Variants in CABIN1 observed in about 807,000 individuals in gnomAD.
CABIN1 encodes the protein calcineurin-binding protein cabin-1.
A neutral mutation model predicts 227.7 loss-of-function variants in CABIN1; 133 were observed. That is an observed-to-expected ratio of 0.58 (90% CI 0.51 to 0.67). The LOEUF is 0.67. Among genes scored for constraint, CABIN1 ranks in the 30% least tolerant of loss-of-function variants. The pLI is 0.00. For synonymous variants in CABIN1, 1,086 were observed against 1,155.1 expected, an observed-to-expected ratio of 0.94 and a Z score of 1.21; for missense variants, 2,408 against 2,852.5, an observed-to-expected ratio of 0.84 and a Z score of 3.55.
chr22:24,120,598 G>GA (rs1465143942), intron 28 of CABIN1, among the ~76,000 whole-genome samples: 2 of 152,078 alleles, frequency 1.3e-5, no homozygotes, highest in Non-Finnish European at 2.9e-5. Context: ...GAGGCAGGGG[G>GA]ATCACCTGAG....
chr22:24,176,185 A>C lies in CABIN1; in HGVS notation c.6115A>C (p.Lys2039Gln). The change falls in exon 35 of 37, where the codon AAG (lysine) becomes CAG (glutamine). Residue 2039 changes from lysine (K) to glutamine (Q), a missense_variant. Around this residue, in one of 3 missense-constraint regions of CABIN1, gnomAD observed 714 missense variants for 773.8 expected, o/e 0.92. Transcript: ENST00000263119. ...GGAGCCACGGCACAGTCCGCAGGTG[A>C]AGATGGCCCCCACAAGTTCCCCGGC... ...PQEPRHSPQV[K>Q]MAPTSSPAEP... 1 of 1,611,364 alleles carries C rather than the reference A, an allele frequency of 6.2e-7. No homozygotes were observed. The highest frequency in any genetic ancestry group is 8.5e-7 in the Non-Finnish European group (1 of 1,179,374).
intron 1 of CABIN1, among the ~76,000 whole-genome samples, chr22:24,013,811 T>A (rs2035029576): frequency 6.6e-6 from 1 of 152,236 alleles, no homozygotes; most frequent in Non-Finnish European, 1.5e-5. Context: ...GCTTTGATGC[T>A]TTTAAAGAGT....
chr22:24,092,868 G>C (rs2041641429), intron 24 of CABIN1, among the ~76,000 whole-genome samples: 1 of 152,068 alleles, frequency 6.6e-6, no homozygotes, highest in African/African-American at 2.4e-5. Flanking sequence ...TAAACATATA[G>C]TAACATTTTC....
chr22:24,135,235 C>G (rs963933268), intron 29 of CABIN1, among the ~76,000 whole-genome samples: 1 of 151,318 alleles, frequency 6.6e-6, no homozygotes, highest in Non-Finnish European at 1.5e-5. Context: ...TACTAAAATA[C>G]AAAAATTAGC....
rs1421883116 is a variant in CABIN1, at chr22:24,055,161, T to C, written c.1093+2T>C. ...TGTTGGAGACAGGCGCTCCTGTGGG[T>C]AAGCAGGCCCCCTGAATTTGGCTTC... On this transcript the variant is annotated splice_donor_variant, in intron 9 of 36. Transcript: ENST00000263119. LOFTEE classifies it high-confidence loss of function. The C allele has an allele frequency of 1.2e-6, 2 of 1,609,734 alleles. No individual in the cohort carries two copies. The highest frequency in any genetic ancestry group is 1.7e-6 in the Non-Finnish European group (2 of 1,179,996).
At position 24,053,748 on chromosome 22, in the gene CABIN1, T is replaced by C. The variant is rs368234454; in HGVS notation, c.807-1125T>C. 6.0e-4 allele frequency among the ~76,000 whole-genome samples: 91 copies of C among 152,274 alleles called. 1 individual carries two copies. In the South Asian group the frequency reaches 0.018, roughly 30 times the overall value. ...TGGCTCTGTGCAGGGGACTGTGCTC[T>C]GTGCTAGGGGCGCAGTGTGGCAGGG... On this transcript the variant is annotated intron_variant, in intron 8 of 36. Transcript: ENST00000263119.
chr22:24,014,367 A>G (rs1174338975), intron 1 of CABIN1, among the ~76,000 whole-genome samples: 1 of 151,180 alleles, frequency 6.6e-6, no homozygotes, highest in Non-Finnish European at 1.5e-5. Flanking sequence ...AGCATTGGCT[A>G]TTTAGTTAGG....
intron 29 of CABIN1, among the ~76,000 whole-genome samples, chr22:24,162,702 C>T (rs1458208374): frequency 6.6e-6 from 1 of 152,210 alleles, no homozygotes; most frequent in African/African-American, 2.4e-5. Flanking sequence ...AAGCGGGCGG[C>T]GGTGTCTATG....
chr22:24,124,258 G>A (rs2043588197), intron 28 of CABIN1, among the ~76,000 whole-genome samples: 1 of 152,226 alleles, frequency 6.6e-6, no homozygotes. Flanking sequence ...AACATACCCT[G>A]CACTGCCCTC....
intron 24 of CABIN1, among the ~76,000 whole-genome samples, chr22:24,095,219 C>T (rs2041815378): frequency 6.6e-6 from 1 of 152,278 alleles, no homozygotes; most frequent in African/African-American, 2.4e-5. Context: ...ATACCACCCA[C>T]TGTGCCCTCC....
chr22:24,155,816 T>C, intron 29 of CABIN1: 1 of 417,528 alleles, frequency 2.4e-6, no homozygotes, highest in East Asian at 3.8e-5. Flanking sequence ...CCCCACAGCT[T>C]CCTGCAGTGA....
At chr22:24,153,433 G>C (rs1753378220) in intron 29 of CABIN1, among the ~76,000 whole-genome samples, 1 of 152,180 alleles carries the variant, frequency 6.6e-6, no homozygotes, top group Admixed American at 6.5e-5. Flanking sequence ...ATAGGGTGCT[G>C]ACAGTGCCAG....
intron 9 of CABIN1, among the ~76,000 whole-genome samples, 160 bp downstream of exon 9, chr22:24,055,319 A>T (rs913313789): frequency 9.8e-5 from 15 of 152,364 alleles, no homozygotes; most frequent in African/African-American, 3.6e-4. Flanking sequence ...GGAGCCTCTC[A>T]GCCTGCTCAC....
chr22:24,064,087 A>G lies in CABIN1; in HGVS notation c.1937A>G (p.Gln646Arg), dbSNP rs369340864. ...TATGACATCTGCACAGAAATGCTCC[A>G]GAGTTCCACCGCCATCCAGGTGGAG... The part of the protein sequence containing the change: ...ENYDICTEML[Q>R]SSTAIQVEAG... Residue 646 changes from glutamine (Q) to arginine (R), a missense_variant, in exon 15 of 37, where the codon CAG becomes CGG. Physicochemically the swap from Gln to Arg is conservative, Grantham distance 43. Coordinates refer to ENST00000263119, the MANE Select transcript of CABIN1 (RefSeq NM_012295.4). The G allele has an allele frequency of 2.1e-5, 34 of 1,614,116 alleles. No individual in the cohort carries two copies. In the East Asian group the frequency reaches 7.1e-4, roughly 34 times the overall value.
chr22:24,107,282 T>C (rs1181988864), intron 26 of CABIN1, among the ~76,000 whole-genome samples: 1 of 152,172 alleles, frequency 6.6e-6, no homozygotes, highest in African/African-American at 2.4e-5. Flanking sequence ...TTAGGTACCT[T>C]GATTACCCCT....
chr22:24,114,366 A>G (rs987560182), intron 27 of CABIN1, among the ~76,000 whole-genome samples: 1 of 152,056 alleles, frequency 6.6e-6, no homozygotes, highest in Non-Finnish European at 1.5e-5. Context: ...CTGGTCAGCT[A>G]TAGATTTGAG....
chr22:24,029,326 G>A (rs1487075464), intron 1 of CABIN1, among the ~76,000 whole-genome samples: 2 of 152,178 alleles, frequency 1.3e-5, no homozygotes. Context: ...TTAAGCCGAG[G>A]CGCTTGAGCT....
intron 23 of CABIN1, among the ~76,000 whole-genome samples, chr22:24,087,996 A>G (rs2041283749): frequency 6.6e-6 from 1 of 152,142 alleles, no homozygotes; most frequent in Non-Finnish European, 1.5e-5. Context: ...GGGAGGGGAG[A>G]GGTGTTGGCC....
rs758151654 is a variant in CABIN1, at chr22:24,166,759, C to A, written c.5128C>A (p.Pro1710Thr). The change falls in exon 32 of 37, where the codon CCT becomes ACT. Residue 1710 changes from proline (P) to threonine (T), a missense_variant. Physicochemically the swap from Pro to Thr is conservative, Grantham distance 38. Transcript: ENST00000263119. ...QEGLPQPKKP[P>T]LADGSGPGPE... ...GGGCCTCCCCCAGCCGAAGAAGCCCCCTCTGGCTGATGGCTCAGGGCCAGG... is the reference window on the plus strand; with the variant it reads ...GGGCCTCCCCCAGCCGAAGAAGCCCACTCTGGCTGATGGCTCAGGGCCAGG... 1 of 1,612,912 alleles carries A rather than the reference C, an allele frequency of 6.2e-7. No individual in the cohort carries two copies. The highest frequency in any genetic ancestry group is 1.1e-5 in the South Asian group (1 of 91,088).
Sources: gnomAD v4.1 joint callset for allele counts (sites outside exome capture counted in the v4.1 genomes callset) on GRCh38, gnomAD v4.1.1 for gene constraint, gnomAD v4.1.1 regional missense constraint, MANE v1.5 for transcripts, NCBI Gene and HGNC (gene_info 2026-07-23, HGNC 2026-07-21) for gene names.